The following PDE7B variants were observed in gnomAD, a reference collection of about 807,000 sequenced individuals.
PDE7B encodes the protein phosphodiesterase 7B, also known as 3',5'-cyclic-AMP phosphodiesterase 7B.
A neutral mutation model predicts 56.2 loss-of-function variants in PDE7B; 29 were observed. The observed-to-expected ratio is 0.52, with a 90% CI of 0.38 to 0.70. The LOEUF is 0.70. Ranked by LOEUF, PDE7B falls within the 30% of genes least tolerant of loss-of-function variation. PDE7B has a pLI of 0.00. For synonymous variants in PDE7B, 197 were observed against 196.9 expected (o/e 1.00, Z 0.00); for missense variants, 490 against 565.0 (o/e 0.87, Z 1.35).
chr6:136,173,991 C>T (rs1338144959), intron 9 of PDE7B, 103 bp downstream of exon 9: 13 of 777,642 alleles, frequency 1.7e-5, no homozygotes, highest in Non-Finnish European at 2.7e-5. Flanking sequence ...CAGAGAGCCC[C>T]CCGGCTGTAC....
Position 136,132,280 on chromosome 6 carries a change from G to A in PDE7B, c.167-15071G>A, listed in dbSNP as rs73565084. 4.6e-5 allele frequency among the ~76,000 whole-genome samples: 7 copies of A among 151,484 alleles called. No individual in the cohort carries two copies. In the East Asian group the frequency reaches 1.3e-3, roughly 29 times the overall value. The stretch of plus-strand genomic sequence containing the variant: ...TACTTTACTATACCTTTTTTTTAAA[G>A]TACCAAAACTTTAAATCCTTTGGGT... On this transcript the variant is annotated intron_variant, in intron 3 of 12. Coordinates refer to ENST00000308191, the MANE Select transcript of PDE7B (RefSeq NM_018945.4).
At chr6:136,177,946 C>CA (rs1390839452) in intron 9 of PDE7B, among the ~76,000 whole-genome samples, 1 of 151,858 alleles carries the variant, frequency 6.6e-6, no homozygotes, top group Non-Finnish European at 1.5e-5. Flanking sequence ...TACACTGTAA[C>CA]AAAAAAGGAT....
At chr6:135,981,766 CTTT>C (rs561731987) in intron 2 of PDE7B, among the ~76,000 whole-genome samples, 7 of 143,034 alleles carry the variant, frequency 4.9e-5, no homozygotes, top group Non-Finnish European at 9.2e-5. Context: ...ACAATTAACT[CTTT>C]TTTTTTTTTC....
At chr6:136,086,849 T>A (rs932324169) in intron 2 of PDE7B, among the ~76,000 whole-genome samples, 3 of 152,218 alleles carry the variant, frequency 2.0e-5, no homozygotes, top group South Asian at 2.1e-4. Context: ...GGTGCCAAGA[T>A]AGACGGAGCA....
At chr6:136,183,677 A>G (rs183603433) in intron 11 of PDE7B, among the ~76,000 whole-genome samples, 21 of 151,720 alleles carry the variant, frequency 1.4e-4, no homozygotes, top group Admixed American at 9.9e-4. Context: ...CTACTGAATT[A>G]TTATTTTTTT....
chr6:135,852,107 C>A (rs1774951562), intron 1 of PDE7B, 88 bp downstream of exon 1: 3 of 891,114 alleles, frequency 3.4e-6, no homozygotes, highest in Non-Finnish European at 5.8e-6. Context: ...TTAAAATGAA[C>A]CTGTACATAT....
At chr6:135,926,366 C>T (rs551136419) in intron 1 of PDE7B, among the ~76,000 whole-genome samples, 14 of 152,196 alleles carry the variant, frequency 9.2e-5, no homozygotes, top group Admixed American at 4.6e-4. Context: ...GGATTACAGG[C>T]GTGAGCCACC....
At chr6:135,959,025 T>A (rs1038153383) in intron 2 of PDE7B, among the ~76,000 whole-genome samples, 1 of 152,200 alleles carries the variant, frequency 6.6e-6, no homozygotes, top group Non-Finnish European at 1.5e-5. Context: ...GTAGTCAACA[T>A]TTTTTACATT....
At chr6:135,992,547 C>T (rs1359035554) in intron 2 of PDE7B, among the ~76,000 whole-genome samples, 2 of 152,192 alleles carry the variant, frequency 1.3e-5, no homozygotes, top group African/African-American at 2.4e-5. Flanking sequence ...CACTTAATAA[C>T]ACCTGTGATG....
chr6:135,861,659 G>C (rs1315944797), intron 1 of PDE7B, among the ~76,000 whole-genome samples: 1 of 151,162 alleles, frequency 6.6e-6, no homozygotes, highest in African/African-American at 2.4e-5. Context: ...AATAATTTTA[G>C]AATTAACTTA....
intron 2 of PDE7B, among the ~76,000 whole-genome samples, chr6:136,051,091 AT>A (rs140774559): frequency 1.5e-4 from 19 of 126,018 alleles, no homozygotes; most frequent in South Asian, 2.8e-4. Context: ...CATTGCAGAA[AT>A]TTTTTTTGTT....
intron 3 of PDE7B, among the ~76,000 whole-genome samples, chr6:136,140,397 G>A (rs1778299906): frequency 6.6e-6 from 1 of 152,160 alleles, no homozygotes; most frequent in African/African-American, 2.4e-5. Context: ...TTTGAAGTCA[G>A]GTAGCATGAT....
At chr6:136,170,889 C>T (rs1032115959) in intron 8 of PDE7B, among the ~76,000 whole-genome samples, 4 of 152,172 alleles carry the variant, frequency 2.6e-5, no homozygotes, top group African/African-American at 9.6e-5. Context: ...ACAATCCAAT[C>T]ACCTCTTAAA....
chr6:135,942,289 G>A (rs1385419284), intron 1 of PDE7B, among the ~76,000 whole-genome samples: 1 of 152,062 alleles, frequency 6.6e-6, no homozygotes, highest in African/African-American at 2.4e-5. Context: ...ATATTATTTA[G>A]TTCATGGAAA....
intron 2 of PDE7B, among the ~76,000 whole-genome samples, chr6:136,002,454 C>A (rs998268960): frequency 7.2e-5 from 11 of 152,046 alleles, no homozygotes; most frequent in Non-Finnish European, 1.0e-4. Context: ...TTCAGGAAAC[C>A]CATCTCACGT....
At chr6:135,996,551 A>T (rs1775568082) in intron 2 of PDE7B, among the ~76,000 whole-genome samples, 1 of 152,258 alleles carries the variant, frequency 6.6e-6, no homozygotes, top group African/African-American at 2.4e-5. Flanking sequence ...TCAATATAGA[A>T]CAAGGAGGAC....
intron 2 of PDE7B, among the ~76,000 whole-genome samples, chr6:136,041,418 A>G (rs1356189688): frequency 6.6e-6 from 1 of 152,254 alleles, no homozygotes; most frequent in African/African-American, 2.4e-5. Flanking sequence ...TGGAAAGAAC[A>G]GTCCCCTGGA....
rs377691422 is a variant in PDE7B, at chr6:136,008,660, C to T, written c.82+61136C>T. ...TTGAGAAGTGTCTGTTCACGTCCTT[C>T]GCCCACTTTTCGATGGGGTTGTTTG... On this transcript the variant is annotated intron_variant, in intron 2 of 12. Transcript: ENST00000308191. Among the ~76,000 whole-genome samples the T allele has an allele frequency of 6.7e-4, 102 of 152,306 alleles. 1 individual carries two copies. The South Asian group carries it at 0.019, about 29-fold the overall frequency.
At chr6:136,052,391 T>G (rs1187106186) in intron 2 of PDE7B, among the ~76,000 whole-genome samples, 1 of 152,216 alleles carries the variant, frequency 6.6e-6, no homozygotes, top group Non-Finnish European at 1.5e-5. Context: ...ACTGTCAGTC[T>G]GGTACTGGAG....
Sources: allele counts gnomAD v4.1 joint callset (sites outside exome capture counted in the v4.1 genomes callset), GRCh38; gene constraint gnomAD v4.1.1; transcripts MANE v1.5; gene names NCBI Gene and HGNC (gene_info 2026-07-23, HGNC 2026-07-21).